The following BICC1 variants were observed in gnomAD, a reference collection of about 807,000 sequenced individuals.
BICC1 encodes the protein BicC family RNA binding protein 1.
Under a neutral mutation model 111.0 loss-of-function variants are expected in BICC1, and 43 were observed. That is an observed-to-expected ratio of 0.39 (90% CI 0.30 to 0.50). BICC1 has a LOEUF of 0.50. Among genes scored for constraint, BICC1 ranks in the 20% least tolerant of loss-of-function variants. BICC1 has a pLI of 0.88. For synonymous variants in BICC1, 467 were observed against 434.4 expected (o/e 1.07, Z -0.93); for missense variants, 1,091 against 1,203.2 (o/e 0.91, Z 1.38).
intron 2 of BICC1, among the ~76,000 whole-genome samples, chr10:58,658,673 A>T (rs1838741199): frequency 6.6e-6 from 1 of 152,158 alleles, no homozygotes; most frequent in Non-Finnish European, 1.5e-5. Context: ...TAAATACTGG[A>T]TAATGGATAA....
chr10:58,758,085 G>A (rs1842195974), intron 3 of BICC1, among the ~76,000 whole-genome samples: 1 of 152,074 alleles, frequency 6.6e-6, no homozygotes, highest in African/African-American at 2.4e-5. Flanking sequence ...AAAAATATAT[G>A]TAGTTTTAAA....
intron 1 of BICC1, among the ~76,000 whole-genome samples, chr10:58,516,611 G>A (rs973645008): frequency 1.6e-4 from 24 of 152,090 alleles, no homozygotes; most frequent in Non-Finnish European, 2.8e-4. Context: ...TTTATAAATG[G>A]AAATTTATTT....
chr10:58,672,434 C>A (rs1273984029), intron 2 of BICC1, among the ~76,000 whole-genome samples: 2 of 152,152 alleles, frequency 1.3e-5, no homozygotes, highest in African/African-American at 4.8e-5. Flanking sequence ...GAATGCTAAT[C>A]TCCCTGGCAT....
intron 8 of BICC1, 75 bp from the exon 9 acceptor site, chr10:58,793,408 GC>G (rs977589304): frequency 6.8e-6 from 9 of 1,316,924 alleles, no homozygotes; most frequent in Non-Finnish European, 9.5e-6. Flanking sequence ...TGCATTATTT[GC>G]AGGCATGTTA....
intron 2 of BICC1, among the ~76,000 whole-genome samples, chr10:58,670,798 G>T (rs563826071): frequency 1.3e-5 from 2 of 152,214 alleles, no homozygotes; most frequent in Admixed American, 1.3e-4. Flanking sequence ...AAGCATCCAG[G>T]TGTCCATAGA....
At chr10:58,572,679 A>G (rs1365970102) in intron 1 of BICC1, among the ~76,000 whole-genome samples, 1 of 152,138 alleles carries the variant, frequency 6.6e-6, no homozygotes, top group African/African-American at 2.4e-5. Context: ...ATCTATATCT[A>G]TGTCTACCTG....
intron 1 of BICC1, among the ~76,000 whole-genome samples, chr10:58,604,277 A>G (rs968918686): frequency 1.3e-5 from 2 of 152,208 alleles, no homozygotes; most frequent in South Asian, 2.1e-4. Flanking sequence ...TGATAAACAC[A>G]TTGTTGTCTT....
chr10:58,521,763 G>T, intron 1 of BICC1, among the ~76,000 whole-genome samples: 1 of 106,890 alleles, frequency 9.4e-6, no homozygotes, highest in Non-Finnish European at 1.8e-5. Context: ...GCCAGGGAAT[G>T]TGGTGTTTTT....
intron 3 of BICC1, among the ~76,000 whole-genome samples, chr10:58,703,164 C>CTTTTT (rs3076275): frequency 3.1e-5 from 4 of 130,410 alleles, no homozygotes; most frequent in Admixed American, 2.5e-4. Context: ...TATCTTGCTA[C>CTTTTT]TTTTTTTTTT....
intron 1 of BICC1, among the ~76,000 whole-genome samples, chr10:58,583,103 C>T (rs1453481106): frequency 6.6e-6 from 1 of 152,136 alleles, no homozygotes; most frequent in Non-Finnish European, 1.5e-5. Context: ...TAAATGGTTC[C>T]TCTATCAGTT....
chr10:58,802,957 G>T, intron 14 of BICC1, 120 bp from the exon 15 acceptor site: 1 of 977,478 alleles, frequency 1.0e-6, no homozygotes, highest in Non-Finnish European at 1.4e-6. Flanking sequence ...AGGATTAAAT[G>T]AGAGACTACG....
intron 1 of BICC1, among the ~76,000 whole-genome samples, chr10:58,523,075 C>A (rs1360196602): frequency 6.6e-6 from 1 of 151,902 alleles, no homozygotes; most frequent in African/African-American, 2.4e-5. Flanking sequence ...GCTTACCAAC[C>A]AAAAAAAGTC....
intron 15 of BICC1, among the ~76,000 whole-genome samples, chr10:58,804,119 T>C (rs1843639342): frequency 6.6e-6 from 1 of 152,184 alleles, no homozygotes; most frequent in Admixed American, 6.6e-5. Context: ...TAGTCCTCCT[T>C]CTCTATTTTT....
chr10:58,805,317 A>C (rs1843678546), intron 15 of BICC1, among the ~76,000 whole-genome samples: 1 of 152,030 alleles, frequency 6.6e-6, no homozygotes, highest in Admixed American at 6.5e-5. Context: ...AAACAAACAA[A>C]AAAACTGCAA....
intron 3 of BICC1, among the ~76,000 whole-genome samples, chr10:58,724,427 A>G (rs768202211): frequency 2.6e-5 from 4 of 152,008 alleles, no homozygotes; most frequent in Non-Finnish European, 4.4e-5. Flanking sequence ...GTAATTTTGC[A>G]CATATACAAA....
Position 58,744,343 on chromosome 10 carries a change from C to G in BICC1, c.308-40658C>G, listed in dbSNP as rs551358267. Among the ~76,000 whole-genome samples, 697 of 152,084 alleles carry G rather than the reference C, an allele frequency of 4.6e-3. 6 individuals carry two copies. The highest frequency in any genetic ancestry group is 6.1e-3 in the Non-Finnish European group (413 of 67,968). On this transcript the variant is annotated intron_variant, in intron 3 of 20. Coordinates refer to ENST00000373886, the MANE Select transcript of BICC1 (RefSeq NM_001080512.3). Reference sequence around the variant, plus strand: ...GCTCTCTCAGTGTTTTGGCATATATCTTTCCCCACTCAATTTTTCTTCCAA... The same window carrying G: ...GCTCTCTCAGTGTTTTGGCATATATGTTTCCCCACTCAATTTTTCTTCCAA...
intron 6 of BICC1, 70 bp downstream of exon 6, chr10:58,788,493 T>C (rs757842688): frequency 1.9e-6 from 2 of 1,070,536 alleles, no homozygotes; most frequent in Non-Finnish European, 2.8e-6. Flanking sequence ...ACTAAAAATA[T>C]AATAATTTAT....
chr10:58,644,254 C>T (rs1435853040), intron 2 of BICC1, among the ~76,000 whole-genome samples: 1 of 152,144 alleles, frequency 6.6e-6, no homozygotes, highest in Non-Finnish European at 1.5e-5. Context: ...TCTCTCAATT[C>T]TCAGGGAAAC....
At chr10:58,664,456 C>T (rs909214891) in intron 2 of BICC1, among the ~76,000 whole-genome samples, 9 of 84,036 alleles carry the variant, frequency 1.1e-4, no homozygotes, top group African/African-American at 2.5e-4. Flanking sequence ...TTGTAAATAG[C>T]TTTTTCCTCA....
Sources: gnomAD v4.1 joint callset for allele counts (sites outside exome capture counted in the v4.1 genomes callset) on GRCh38, gnomAD v4.1.1 for gene constraint, MANE v1.5 for transcripts, NCBI Gene and HGNC (gene_info 2026-07-23, HGNC 2026-07-21) for gene names.